Variants in GTF3C1 observed in about 807,000 individuals in gnomAD.
GTF3C1 encodes the protein general transcription factor 3C polypeptide 1.
A neutral mutation model predicts 226.7 loss-of-function variants in GTF3C1; 57 were observed. The ratio of observed to expected loss-of-function variants is 0.25; its 90% CI spans 0.20 to 0.31. The LOEUF (loss-of-function observed/expected upper bound fraction) is 0.31. Among genes scored for constraint, GTF3C1 ranks in the 10% least tolerant of loss-of-function variants. GTF3C1 has a pLI of 1.00. For missense variants in GTF3C1, 2,217 were observed against 2,776.1 expected (o/e 0.80, Z 4.53); for synonymous variants, 1,090 against 1,084.8 (o/e 1.00, Z -0.09).
In GTF3C1 at chr16:27,462,094, C is replaced by T. The variant is rs1284047542; in HGVS notation, c.6117+200G>A. The stretch of plus-strand genomic sequence containing the variant: ...CAAGCACCCCGGGCACCCCATCTTC[C>T]AGCCTGGTCAGCAGCATGGAGCTGG... On this transcript the variant is annotated intron_variant, in intron 36 of 36. Transcript: ENST00000356183. This position sits in a 1 kb window ranked among gnomAD's most constrained non-coding sequence, Gnocchi z 4.5. 2 of 581,414 alleles carry T rather than the reference C, an allele frequency of 3.4e-6. No individual in the cohort carries two copies. Among genetic ancestry groups the T allele is most frequent in the Non-Finnish European group, 6.1e-6 (2 of 325,750 alleles). 36.0% of individuals were successfully genotyped at this position (581,414 alleles called of 1,614,324 possible). A position where few individuals can be genotyped will look rare whatever the true frequency, so the allele number is the denominator to read the frequency against.
chr16:27,486,153 T>C lies in GTF3C1; in HGVS notation c.3702A>G (p.Gly1234=). The C allele has an allele frequency of 6.3e-7, 1 of 1,584,984 alleles. No individual in the cohort carries two copies. The highest frequency in any genetic ancestry group is 1.1e-5 in the South Asian group (1 of 89,576). ...TTTTGCTTTTTTCTCCTGGGAACTC[T>C]CCTAAAAACACCAGAGGGAGAAGGC... ...PGKKIKRKKK[G]EFPGEKSKRL... Residue 1234 remains glycine, a splice_region_variant and synonymous_variant, in exon 24 of 37, where the codon GGA becomes GGG. Coordinates refer to ENST00000356183, the MANE Select transcript of GTF3C1 (RefSeq NM_001520.4).
Position 27,506,035 on chromosome 16 carries a change from T to G in GTF3C1, c.1634A>C (p.Gln545Pro). Residue 545 changes from glutamine to proline, a missense_variant, in exon 10 of 37, where the codon CAG (glutamine) becomes CCG (proline). This residue lies in a region of GTF3C1 where 173 missense variants were observed against 207.2 expected (regional missense o/e 0.83). Coordinates refer to ENST00000356183, the MANE Select transcript of GTF3C1 (RefSeq NM_001520.4). ...GAGGCTGTCCCTGCTGGCAAGGCTC[T>G]GGCAGGCTCTCTCTTCAGCAGCTCC... is the stretch of plus-strand genomic sequence containing the variant. ...FPGAAEERAC[Q>P]SLASRDSLLD... 6.2e-7 allele frequency: 1 copy of G among 1,613,484 alleles called. No homozygotes were observed.
intron 27 of GTF3C1, chr16:27,480,792 T>A (rs1173942632): frequency 2.6e-6 from 1 of 383,596 alleles, no homozygotes; most frequent in East Asian, 5.1e-5. Flanking sequence ...GTTACTTACA[T>A]AGGAATTTCC....
intron 6 of GTF3C1, among the ~76,000 whole-genome samples, chr16:27,525,185 TAAAAGAAAAG>T (rs60325418): frequency 6.6e-6 from 1 of 150,638 alleles, no homozygotes; most frequent in African/African-American, 2.5e-5. Flanking sequence ...AAGAAAGAAA[TAAAAGAAAAG>T]AAAAGAAAAG....
intron 5 of GTF3C1, 52 bp downstream of exon 5, chr16:27,533,239 G>A (rs752193174): frequency 5.1e-5 from 44 of 861,258 alleles, no homozygotes; most frequent in Middle Eastern, 2.2e-4. Context: ...AAGACCTCCC[G>A]GCTATGGTAC....
rs975138452 is a variant in GTF3C1 at position 27,549,871 on chromosome 16, A to G, written c.20T>C (p.Leu7Ser). 1 of 1,579,994 alleles carries G rather than the reference A, an allele frequency of 6.3e-7. No individual in the cohort carries two copies. Among genetic ancestry groups the G allele is most frequent in the South Asian group, 1.1e-5 (1 of 90,464 alleles). Residue 7 changes from leucine (L) to serine (S), a missense_variant, in exon 1 of 37, where the codon TTG becomes TCG. By Grantham distance (145) the Leu-to-Ser change is moderately radical. Around this residue, in one of 12 missense-constraint regions of GTF3C1, gnomAD observed 192 missense variants for 251.8 expected, o/e 0.76. Transcript: ENST00000356183. MDALES[L>S]LDEVALEGLD... ...CCCCTCCAGAGCGACTTCGTCCAAC[A>G]ACGACTCCAGCGCGTCCATTGCTAC...
chr16:27,534,615 C>T lies in GTF3C1; in HGVS notation c.753-1228G>A, dbSNP rs544538880. On this transcript the variant is annotated intron_variant, in intron 4 of 36. Transcript: ENST00000356183. ...CAAGTGAGGGGCAAAGATGGAAATA[C>T]AGATCTTGACTTAATGCAGTGTTCT... Among the ~76,000 whole-genome samples, 7 of 152,378 alleles carry T rather than the reference C, an allele frequency of 4.6e-5. No individual in the cohort carries two copies. The East Asian group carries it at 1.3e-3, about 29-fold the overall frequency.
chr16:27,516,139 C>G lies in GTF3C1; in HGVS notation c.974-4238G>C, dbSNP rs148761519. Among the ~76,000 whole-genome samples the G allele has an allele frequency of 8.2e-3, 1,253 of 152,328 alleles. 11 individuals carry two copies. Among genetic ancestry groups the G allele is most frequent in the Non-Finnish European group, 0.013 (897 of 68,030 alleles). ...GTGGCATTCAAGGTGGCGGGCCCCCCCTTATTGTGAGATAAGCCCCAAAGC... is the reference window on the plus strand; with the variant it reads ...GTGGCATTCAAGGTGGCGGGCCCCCGCTTATTGTGAGATAAGCCCCAAAGC... On this transcript the variant is annotated intron_variant, in intron 6 of 36. Coordinates refer to ENST00000356183, the MANE Select transcript of GTF3C1 (RefSeq NM_001520.4).
rs377512725 is a variant in GTF3C1, at chr16:27,465,492, G to A, written c.5123C>T (p.Thr1708Met). The A allele has an allele frequency of 2.2e-5, 36 of 1,604,650 alleles. No individual in the cohort carries two copies. The African/African-American group carries it at 2.8e-4, about 12-fold the overall frequency. Residue 1708 changes from threonine to methionine, a missense_variant, in exon 33 of 37, where the codon ACG (threonine) becomes ATG (methionine). Thr to Met is a moderately conservative substitution (Grantham distance 81). This residue lies in a region of GTF3C1 where 455 missense variants were observed against 441.9 expected (regional missense o/e 1.03). Coordinates refer to ENST00000356183, the MANE Select transcript of GTF3C1 (RefSeq NM_001520.4). The part of the protein sequence containing the change: ...LTMGTSCLPD[T>M]FTKLINPQEN... ...CTGGGGGTTTATCAGCTTGGTGAAC[G>A]TATCAGGGAGGCAGGAGGTTCCCAT...
chr16:27,470,641 G>A lies in GTF3C1; in HGVS notation c.4527-246C>T. On this transcript the variant is annotated intron_variant, in intron 30 of 36. Transcript: ENST00000356183. The surrounding 1 kb of genome is among the most constrained non-coding windows in gnomAD (Gnocchi z 4.9). Reference sequence around the variant, plus strand: ...GTCCTGTCTCCTCATCTAATTCAATGTGGCCTCACCTGGCGCTCCAGGAGG... The same window carrying A: ...GTCCTGTCTCCTCATCTAATTCAATATGGCCTCACCTGGCGCTCCAGGAGG... 2.0e-6 allele frequency: 1 copy of A among 506,698 alleles called. No homozygotes were observed. Among genetic ancestry groups the A allele is most frequent in the Non-Finnish European group, 3.6e-6 (1 of 280,648 alleles). 31.4% of individuals were successfully genotyped at this position (506,698 alleles called of 1,614,324 possible).
At position 27,495,253 on chromosome 16, in the gene GTF3C1, C is replaced by A; in HGVS notation, c.2590G>T (p.Gly864Cys). 6.2e-7 allele frequency: 1 copy of A among 1,613,488 alleles called. No homozygotes were observed. Among genetic ancestry groups the A allele is most frequent in the Non-Finnish European group, 8.5e-7 (1 of 1,179,810 alleles). ...SEAPSKGSQD[G>C]VTWEAEVELA... is the part of the protein sequence containing the mutation. ...TCCACTTCAGCCTCCCAGGTGACAC[C>A]ATCTTGGCTGCCTTTAGATGGGGCT... The change falls in exon 15 of 37, where the codon GGT (glycine) becomes TGT (cysteine). Residue 864 changes from glycine (G) to cysteine (C), a missense_variant. Physicochemically the swap from Gly to Cys is radical, Grantham distance 159. This residue lies in a region of GTF3C1 where 353 missense variants were observed against 411.7 expected (regional missense o/e 0.86). Transcript: ENST00000356183.
chr16:27,538,154 G>GCAGAGAAGCAAATCCCCC, intron 3 of GTF3C1, 26 bp downstream of exon 3: 1 of 1,480,438 alleles, frequency 6.8e-7, no homozygotes. Context: ...ATAATTTAAA[G>GCAGAGAAGCAAATCCCCC]CAGAGAAGCA....
chr16:27,499,747 CA>C (rs1194789904), intron 12 of GTF3C1, among the ~76,000 whole-genome samples: 1 of 152,136 alleles, frequency 6.6e-6, no homozygotes, highest in Non-Finnish European at 1.5e-5. Flanking sequence ...GAGAAATATA[CA>C]GCATTCACAT....
intron 6 of GTF3C1, among the ~76,000 whole-genome samples, chr16:27,515,492 C>T (rs2088643946): frequency 6.6e-6 from 1 of 151,694 alleles, no homozygotes; most frequent in African/African-American, 2.4e-5. Flanking sequence ...AAAAACCCTT[C>T]TTCTCCCCAC....
chr16:27,467,298 C>G (rs1023277184), intron 32 of GTF3C1, among the ~76,000 whole-genome samples: 7 of 152,224 alleles, frequency 4.6e-5, no homozygotes, highest in African/African-American at 1.7e-4. Flanking sequence ...TAAATCTATT[C>G]TGCCTGTGCT....
At chr16:27,541,151 G>A (rs139304726) in intron 2 of GTF3C1, among the ~76,000 whole-genome samples, 30 of 152,256 alleles carry the variant, frequency 2.0e-4, no homozygotes, top group Admixed American at 2.0e-4. Context: ...AAGAGGTGAC[G>A]CTTGTATTAG....
chr16:27,528,441 A>G (rs2088865657), intron 6 of GTF3C1, among the ~76,000 whole-genome samples, 157 bp downstream of exon 6: 1 of 152,108 alleles, frequency 6.6e-6, no homozygotes, highest in Non-Finnish European at 1.5e-5. Flanking sequence ...TTTTATATGG[A>G]CAGTCCTGAG....
Position 27,470,145 on chromosome 16 carries a change from C to T in GTF3C1, c.4777G>A (p.Val1593Ile), listed in dbSNP as rs780005845. The change falls in exon 31 of 37, where the codon GTA becomes ATA. Residue 1593 changes from valine (V) to isoleucine (I), a missense_variant. Transcript: ENST00000356183. The surrounding 1 kb of genome is among the most constrained non-coding windows in gnomAD (Gnocchi z 4.9). ...TCATTCTCCACCATTGAGCTGTCTA[C>T]CACGATGATCTGCTCCGGGATCCTG... ...DVRIPEQIIVVDSSMVENEVI... is the reference protein window; with the variant it reads ...DVRIPEQIIVIDSSMVENEVI... 11 of 1,613,936 alleles carry T rather than the reference C, an allele frequency of 6.8e-6. No homozygotes were observed. The East Asian group carries it at 2.0e-4, about 29-fold the overall frequency.
intron 6 of GTF3C1, among the ~76,000 whole-genome samples, chr16:27,524,721 C>A (rs760393283): frequency 5.9e-5 from 9 of 152,230 alleles, no homozygotes; most frequent in Non-Finnish European, 1.3e-4. Flanking sequence ...AAGGTTCCTC[C>A]TTAGTTTCTC....
Sources: allele counts gnomAD v4.1 joint callset (sites outside exome capture counted in the v4.1 genomes callset), GRCh38; gene constraint gnomAD v4.1.1; regional missense constraint gnomAD v4.1.1; non-coding constraint Gnocchi (gnomAD v3.1); transcripts MANE v1.5; gene names NCBI Gene and HGNC (gene_info 2026-07-23, HGNC 2026-07-21).